Variants in PHLPP1 observed in about 807,000 individuals in gnomAD.
PHLPP1 encodes the protein PH domain leucine-rich repeat-containing protein phosphatase 1.
A neutral mutation model predicts 117.2 loss-of-function variants in PHLPP1; 42 were observed. The observed-to-expected ratio is 0.36, with a 90% CI of 0.28 to 0.46. PHLPP1 has a LOEUF of 0.46. Ranked by LOEUF, PHLPP1 falls within the 20% of genes least tolerant of loss-of-function variation. The pLI is 1.00. For synonymous variants in PHLPP1, 1,042 were observed against 970.7 expected (o/e 1.07, Z -1.37); for missense variants, 2,084 against 2,241.9 (o/e 0.93, Z 1.42).
chr18:62,891,741 A>AC (rs1373730854), intron 4 of PHLPP1, among the ~76,000 whole-genome samples: 1 of 150,576 alleles, frequency 6.6e-6, no homozygotes, highest in East Asian at 1.9e-4. Flanking sequence ...AAAAAAAAAA[A>AC]AATTAGCTGG....
chr18:62,972,817 A>G (rs1911091742), intron 15 of PHLPP1, 109 bp downstream of exon 15: 1 of 804,742 alleles, frequency 1.2e-6, no homozygotes, highest in East Asian at 2.7e-5. Context: ...ATGTTTTTTG[A>G]CTATGAGTAC....
At chr18:62,762,536 C>T (rs1210185355) in intron 1 of PHLPP1, among the ~76,000 whole-genome samples, 2 of 151,440 alleles carry the variant, frequency 1.3e-5, no homozygotes, top group Admixed American at 6.6e-5. Flanking sequence ...GTCTCAGCCT[C>T]CTAAGTAGCT....
chr18:62,886,453 T>A (rs1185221100), intron 4 of PHLPP1, among the ~76,000 whole-genome samples: 1 of 152,120 alleles, frequency 6.6e-6, no homozygotes, highest in Non-Finnish European at 1.5e-5. Flanking sequence ...TAAATTTTTT[T>A]TAGTAGAGAT....
chr18:62,821,248 G>A (rs1165171828), intron 1 of PHLPP1, among the ~76,000 whole-genome samples: 1 of 152,026 alleles, frequency 6.6e-6, no homozygotes, highest in Admixed American at 6.6e-5. Flanking sequence ...TGGGCAACAT[G>A]GTGAAACTCT....
At chr18:62,882,834 C>T (rs1916200535) in intron 4 of PHLPP1, among the ~76,000 whole-genome samples, 1 of 151,296 alleles carries the variant, frequency 6.6e-6, no homozygotes, top group African/African-American at 2.4e-5. Flanking sequence ...ATTAAGCTTT[C>T]TCTTTTTGTT....
chr18:62,815,424 T>G (rs780142850), intron 1 of PHLPP1, among the ~76,000 whole-genome samples: 2 of 152,192 alleles, frequency 1.3e-5, no homozygotes, highest in Non-Finnish European at 2.9e-5. Context: ...CCAAAAGTGC[T>G]GGGATTACAG....
At chr18:62,893,406 A>G (rs766829076) in intron 4 of PHLPP1, among the ~76,000 whole-genome samples, 1 of 152,224 alleles carries the variant, frequency 6.6e-6, no homozygotes, top group Non-Finnish European at 1.5e-5. Context: ...AAAAACGATT[A>G]TCCAGATTTA....
At chr18:62,864,009 G>A (rs200501958) in intron 4 of PHLPP1, among the ~76,000 whole-genome samples, 5 of 150,744 alleles carry the variant, frequency 3.3e-5, no homozygotes, top group South Asian at 2.1e-4. Context: ...AAATTTATTT[G>A]TTTATTTATT....
chr18:62,825,879 C>T (rs2063077092), intron 1 of PHLPP1, among the ~76,000 whole-genome samples: 1 of 152,030 alleles, frequency 6.6e-6, no homozygotes, highest in South Asian at 2.1e-4. Context: ...GTAGGCTAGG[C>T]CCCCTGAGAT....
In PHLPP1 at chr18:62,715,680, T is replaced by C; in HGVS notation, c.-4T>C. On this transcript the variant is annotated 5_prime_UTR_variant, in exon 1 of 17. Transcript: ENST00000262719. ...CTGGGGGGGAAACGCGAAGCCCCAC[T>C]GCAATGGAGCCCGCCGCCGCGGCCA... 7.8e-7 allele frequency: 1 copy of C among 1,283,342 alleles called. No homozygotes were observed. Among genetic ancestry groups the C allele is most frequent in the South Asian group, 2.6e-5 (1 of 39,062 alleles). The allele number at this position is 1,283,342 out of a possible 1,614,324, so 79.5% of individuals were successfully genotyped here.
chr18:62,831,969 T>C (rs1052445547), intron 2 of PHLPP1, among the ~76,000 whole-genome samples: 3 of 152,224 alleles, frequency 2.0e-5, no homozygotes, highest in Admixed American at 6.5e-5. Flanking sequence ...GTGACTGATA[T>C]ACTAAGATTT....
At chr18:62,875,939 G>GC (rs1210521344) in intron 4 of PHLPP1, among the ~76,000 whole-genome samples, 1 of 151,996 alleles carries the variant, frequency 6.6e-6, no homozygotes, top group African/African-American at 2.4e-5. Flanking sequence ...CACCATGTTG[G>GC]CCAGGCTGGT....
chr18:62,896,844 G>T (rs1008650355), intron 6 of PHLPP1, among the ~76,000 whole-genome samples: 1 of 152,118 alleles, frequency 6.6e-6, no homozygotes, highest in Non-Finnish European at 1.5e-5. Flanking sequence ...ATAAAGAATT[G>T]CTTGGCTTCA....
At chr18:62,971,551 C>G (rs1260909120) in intron 14 of PHLPP1, among the ~76,000 whole-genome samples, 1 of 152,114 alleles carries the variant, frequency 6.6e-6, no homozygotes, top group Non-Finnish European at 1.5e-5. Context: ...ACCTTGTCCT[C>G]CTTCAGCCCC....
chr18:62,720,794 T>C (rs1334159273), intron 1 of PHLPP1, among the ~76,000 whole-genome samples: 1 of 152,190 alleles, frequency 6.6e-6, no homozygotes, highest in African/African-American at 2.4e-5. Flanking sequence ...TTCACTACTA[T>C]GGCGTGATAA....
intron 1 of PHLPP1, among the ~76,000 whole-genome samples, chr18:62,800,451 A>G (rs769267105): frequency 4.6e-5 from 7 of 152,150 alleles, no homozygotes; most frequent in Non-Finnish European, 1.0e-4. Flanking sequence ...TCTATAGTTA[A>G]TATTAGGTAT....
At chr18:62,942,644 G>A (rs150370559) in intron 11 of PHLPP1, among the ~76,000 whole-genome samples, 15 of 152,206 alleles carry the variant, frequency 9.9e-5, no homozygotes, top group South Asian at 4.1e-4. Context: ...TGAGCCTGCC[G>A]TGAGGATTTA....
At chr18:62,852,863 C>A (rs1915393726) in intron 3 of PHLPP1, among the ~76,000 whole-genome samples, 1 of 152,074 alleles carries the variant, frequency 6.6e-6, no homozygotes, top group Admixed American at 6.6e-5. Context: ...CTAACTGAAC[C>A]AAGAAGAGTA....
At chr18:62,795,181 A>T (rs985509858) in intron 1 of PHLPP1, among the ~76,000 whole-genome samples, 1 of 152,078 alleles carries the variant, frequency 6.6e-6, no homozygotes, top group African/African-American at 2.4e-5. Flanking sequence ...TTTTTACTTT[A>T]AAAATGTAAA....
Sources: allele counts gnomAD v4.1 joint callset (sites outside exome capture counted in the v4.1 genomes callset), GRCh38; gene constraint gnomAD v4.1.1; transcripts MANE v1.5; gene names NCBI Gene and HGNC (gene_info 2026-07-23, HGNC 2026-07-21).